The following OGDH variants were observed in gnomAD, a reference collection of about 807,000 sequenced individuals.
The protein encoded by OGDH is oxoglutarate dehydrogenase.
A neutral mutation model predicts 116.6 loss-of-function variants in OGDH; 38 were observed. The observed-to-expected ratio is 0.33, with a 90% confidence interval of 0.25 to 0.43. OGDH has a LOEUF of 0.43. OGDH is among the 20% of genes least tolerant of loss of function. OGDH has a pLI of 1.00. For synonymous variants in OGDH, 488 were observed against 533.3 expected (o/e 0.92, Z 1.17); for missense variants, 825 against 1,357.2 (o/e 0.61, Z 6.16).
intron 4 of OGDH, among the ~76,000 whole-genome samples, chr7:44,653,461 G>A (rs559307722): frequency 2.0e-5 from 3 of 152,128 alleles, no homozygotes; most frequent in Admixed American, 6.6e-5. Context: ...CTGTGGTTTC[G>A]GTATAAATTC....
intron 10 of OGDH, among the ~76,000 whole-genome samples, chr7:44,686,741 T>A (rs1469818314): frequency 6.8e-6 from 1 of 147,142 alleles, no homozygotes; most frequent in African/African-American, 2.5e-5. Context: ...CAGGCCGGAG[T>A]GCAATGGCAT....
At position 44,647,725 on chromosome 7, in the gene OGDH, G is replaced by A; in HGVS notation, c.483G>A (p.Val161=). ...TGGATGCTGATCTGGACTCCTCCGT[G>A]CCCGCTGACATTATCTCATCCACAG... ...GILDADLDSS[V]PADIISSTDK... is the part of the protein sequence containing the mutation. The change falls in exon 4 of 23, where the codon GTG becomes GTA. Residue 161 remains valine, a synonymous_variant. Transcript: ENST00000222673. The A allele has an allele frequency of 6.2e-7, 1 of 1,613,994 alleles. No individual in the cohort carries two copies.
rs555651088 is a variant in OGDH at position 44,609,740 on chromosome 7, C to T, written c.-28+3087C>T. ...GGAATACAATCACTAAGTCGTAGTG[C>T]GTGCTTAGTTATTAAACAAATAGCC... On this transcript the variant is annotated intron_variant, in intron 1 of 22. Transcript: ENST00000222673. Among the ~76,000 whole-genome samples the T allele has an allele frequency of 1.5e-3, 221 of 152,244 alleles. 3 individuals carry two copies. The highest frequency in any genetic ancestry group is 4.7e-3 in the African/African-American group (197 of 41,548).
At chr7:44,705,850 G>A (rs549903255) in intron 20 of OGDH, among the ~76,000 whole-genome samples, 145 of 152,310 alleles carry the variant, frequency 9.5e-4, no homozygotes, top group Non-Finnish European at 1.6e-3. Flanking sequence ...TCCGTCACCC[G>A]AGTACGATAC....
chr7:44,659,047 A>G (rs532458054), intron 4 of OGDH, among the ~76,000 whole-genome samples: 1 of 152,214 alleles, frequency 6.6e-6, no homozygotes, highest in South Asian at 2.1e-4. Context: ...CATGTTGGCT[A>G]GGCTGGTCTA....
chr7:44,614,099 C>G (rs1169255095), intron 1 of OGDH, among the ~76,000 whole-genome samples: 1 of 151,992 alleles, frequency 6.6e-6, no homozygotes, highest in African/African-American at 2.4e-5. Context: ...AGCCACGGCA[C>G]CTGGCCTAGC....
At chr7:44,692,393 G>A (rs780787510) in intron 10 of OGDH, among the ~76,000 whole-genome samples, 11 of 152,162 alleles carry the variant, frequency 7.2e-5, no homozygotes, top group Admixed American at 5.9e-4. Flanking sequence ...ATGTTAAAAG[G>A]CAAACTGCAA....
At chr7:44,647,116 A>G (rs191135903) in intron 3 of OGDH, among the ~76,000 whole-genome samples, 138 of 152,338 alleles carry the variant, frequency 9.1e-4, no homozygotes, top group Middle Eastern at 6.8e-3. Flanking sequence ...TTCTGAGCTG[A>G]GGCAGGCTTC....
At chr7:44,664,995 T>C (rs112197721) in intron 4 of OGDH, among the ~76,000 whole-genome samples, 207 of 152,366 alleles carry the variant, frequency 1.4e-3, no homozygotes, top group African/African-American at 4.3e-3. Context: ...TGGACCGATA[T>C]AGTTTCACAA....
Position 44,673,872 on chromosome 7 carries a change from C to A in OGDH, c.719C>A (p.Thr240Asn). 1.9e-6 allele frequency: 3 copies of A among 1,614,204 alleles called. No homozygotes were observed. The highest frequency in any genetic ancestry group is 2.5e-6 in the Non-Finnish European group (3 of 1,180,030). ...QCQWIRQKFETPGIMQFTNEE... is the reference protein window; with the variant it reads ...QCQWIRQKFENPGIMQFTNEE... ...CAGTGGATCCGGCAGAAGTTTGAGA[C>A]CCCTGGGATCATGCAGTTCACAAAT... The change falls in exon 6 of 23, where the codon ACC becomes AAC. Residue 240 changes from threonine to asparagine, a missense_variant. Transcript: ENST00000222673.
At chr7:44,641,675 A>G (rs777936108) in intron 2 of OGDH, among the ~76,000 whole-genome samples, 21 of 152,198 alleles carry the variant, frequency 1.4e-4, no homozygotes, top group Non-Finnish European at 2.1e-4. Context: ...AGGCCTGGGT[A>G]GAGGCCAAGA....
chr7:44,635,401 G>T (rs911496027), intron 2 of OGDH, among the ~76,000 whole-genome samples: 1 of 152,202 alleles, frequency 6.6e-6, no homozygotes, highest in African/African-American at 2.4e-5. Context: ...TTGAGCATGG[G>T]TGTGGCTCCA....
At chr7:44,635,364 A>C (rs1173466162) in intron 2 of OGDH, among the ~76,000 whole-genome samples, 1 of 152,234 alleles carries the variant, frequency 6.6e-6, no homozygotes, top group Non-Finnish European at 1.5e-5. Flanking sequence ...GCTGGGCCTC[A>C]TCAACTTATC....
intron 4 of OGDH, among the ~76,000 whole-genome samples, chr7:44,649,724 A>G (rs763192729): frequency 2.0e-5 from 3 of 152,142 alleles, no homozygotes; most frequent in South Asian, 2.1e-4. Context: ...CCAACCCAGC[A>G]TAGTCTTTTA....
chr7:44,700,872 C>T (rs764172184), intron 19 of OGDH, among the ~76,000 whole-genome samples: 3 of 152,104 alleles, frequency 2.0e-5, no homozygotes, highest in East Asian at 1.9e-4. Flanking sequence ...AAAAATTAGC[C>T]GGGCATGACA....
intron 10 of OGDH, among the ~76,000 whole-genome samples, chr7:44,682,742 A>C (rs915278519): frequency 5.3e-5 from 8 of 151,986 alleles, no homozygotes; most frequent in Admixed American, 2.6e-4. Context: ...GGTCCTAGCT[A>C]CTTGGGGGTT....
chr7:44,626,298 C>A (rs1161826293), intron 2 of OGDH, among the ~76,000 whole-genome samples: 2 of 146,348 alleles, frequency 1.4e-5, no homozygotes, highest in East Asian at 4.3e-4. Flanking sequence ...TTCACACACA[C>A]ACACCCCTAC....
At chr7:44,606,875 G>A (rs576115529) in intron 1 of OGDH, among the ~76,000 whole-genome samples, 326 of 152,256 alleles carry the variant, frequency 2.1e-3, no homozygotes, top group African/African-American at 7.6e-3. Flanking sequence ...CGCGGGGCCT[G>A]CCCGGCGGGC....
chr7:44,695,574 G>A (rs138130746), intron 12 of OGDH, among the ~76,000 whole-genome samples: 9,893 of 152,006 alleles, frequency 0.065, 380 homozygotes, highest in Middle Eastern at 0.095. Context: ...GTGGTGGCAC[G>A]CACTTGTAGT....
Sources: gnomAD v4.1 joint callset for allele counts (sites outside exome capture counted in the v4.1 genomes callset) on GRCh38, gnomAD v4.1.1 for gene constraint, MANE v1.5 for transcripts, NCBI Gene and HGNC (gene_info 2026-07-23, HGNC 2026-07-21) for gene names.